The following TAF2 variants were observed in gnomAD, a reference collection of about 807,000 sequenced individuals.
TAF2 encodes TATA-box binding protein associated factor 2.
In TAF2, 61 loss-of-function variants were observed where a neutral mutation model predicts 138.5. The observed-to-expected ratio is 0.44, with a 90% CI of 0.36 to 0.54. The LOEUF (loss-of-function observed/expected upper bound fraction) is 0.54, where lower values mean the gene tolerates loss of function less well. Ranked by LOEUF, TAF2 falls within the 20% of genes least tolerant of loss-of-function variation. TAF2 has a pLI of 0.00. For synonymous variants in TAF2, 475 were observed against 469.9 expected (o/e 1.01, Z -0.14); for missense variants, 1,090 against 1,427.9 (o/e 0.76, Z 3.81).
chr8:119,830,060 G>A (rs551486726), intron 2 of TAF2, among the ~76,000 whole-genome samples: 34 of 151,666 alleles, frequency 2.2e-4, no homozygotes, highest in African/African-American at 7.3e-4. Context: ...CACCACAGCC[G>A]GCTAATTTTT....
At chr8:119,824,864 C>T (rs1826003988) in intron 2 of TAF2, among the ~76,000 whole-genome samples, 1 of 152,228 alleles carries the variant, frequency 6.6e-6, no homozygotes, top group African/African-American at 2.4e-5. Context: ...ATGGAAATGC[C>T]TGGATGCCCA....
rs570506818 is a variant in TAF2, at chr8:119,799,721, T to C, written c.793-1875A>G. Among the ~76,000 whole-genome samples the C allele has an allele frequency of 1.3e-3, 195 of 152,152 alleles. 1 individual carries two copies. Among genetic ancestry groups the C allele is most frequent in the African/African-American group, 4.4e-3 (183 of 41,438 alleles). ...TTCTAGTTCTAGATCCTTGAGGAAT[T>C]GCCACACTGTCTTCCACGATGGTTG... On this transcript the variant is annotated intron_variant, in intron 6 of 25. Transcript: ENST00000378164.
intron 21 of TAF2, among the ~76,000 whole-genome samples, chr8:119,757,175 A>G (rs1000994528): frequency 6.6e-6 from 1 of 152,216 alleles, no homozygotes; most frequent in Non-Finnish European, 1.5e-5. Flanking sequence ...CTGCAATTTA[A>G]TGTCTATAAA....
chr8:119,820,556 TAAGA>T (rs948144201), intron 2 of TAF2, among the ~76,000 whole-genome samples: 1 of 151,642 alleles, frequency 6.6e-6, no homozygotes, highest in African/African-American at 2.4e-5. Context: ...ACAGATAAGA[TAAGA>T]AAGGCAAAAA....
chr8:119,754,614 C>T (rs1270459514), intron 22 of TAF2, among the ~76,000 whole-genome samples: 4 of 150,902 alleles, frequency 2.7e-5, no homozygotes, highest in Middle Eastern at 3.4e-3. Flanking sequence ...ACTTGGGAGG[C>T]GGAGGTTGCA....
chr8:119,819,844 C>T (rs1228987454), intron 2 of TAF2, among the ~76,000 whole-genome samples: 3 of 151,442 alleles, frequency 2.0e-5, no homozygotes, highest in African/African-American at 7.3e-5. Flanking sequence ...AATTACAGAG[C>T]AGAAAGGGAA....
intron 3 of TAF2, among the ~76,000 whole-genome samples, chr8:119,814,841 G>A (rs1825342801): frequency 1.3e-5 from 2 of 151,326 alleles, no homozygotes; most frequent in Non-Finnish European, 2.9e-5. Context: ...CCCAGGAGGT[G>A]GAGGTTGCAG....
chr8:119,758,370 T>C (rs1440366884), intron 20 of TAF2, among the ~76,000 whole-genome samples: 1 of 152,142 alleles, frequency 6.6e-6, no homozygotes, highest in Non-Finnish European at 1.5e-5. Context: ...GTTGCATCAA[T>C]AATGTATTTT....
intron 20 of TAF2, among the ~76,000 whole-genome samples, chr8:119,760,083 C>G (rs1820959890): frequency 6.6e-6 from 1 of 152,090 alleles, no homozygotes. Context: ...TCTACCTGCT[C>G]TATTCTTCAC....
intron 25 of TAF2, among the ~76,000 whole-genome samples, chr8:119,739,029 TA>T (rs34463464): frequency 0.4 from 51,936 of 131,064 alleles, 9,338 homozygotes; most frequent in Admixed American, 0.52. Context: ...TTTTTTTTTT[TA>T]AATTAAAAAA....
At chr8:119,737,280 CTTT>C (rs1819284702) in intron 25 of TAF2, among the ~76,000 whole-genome samples, 1 of 151,998 alleles carries the variant, frequency 6.6e-6, no homozygotes, top group Non-Finnish European at 1.5e-5. Context: ...GTGGTTATGA[CTTT>C]TTAATGTGCT....
Position 119,831,687 on chromosome 8 carries a change from T to C in TAF2, c.128A>G (p.Lys43Arg), listed in dbSNP as rs1194859687. 1.9e-6 allele frequency: 3 copies of C among 1,605,540 alleles called. No homozygotes were observed. Among genetic ancestry groups the C allele is most frequent in the Non-Finnish European group, 2.6e-6 (3 of 1,174,360 alleles). The part of the protein sequence containing the change: ...VCINNINFQR[K>R]SVVGFVELTI... The stretch of plus-strand genomic sequence containing the variant: ...TGAGAATAAACTTACCACAACAGAT[T>C]TTCTCTGGAAATTTATGTTGTTGAT... Residue 43 changes from lysine (K) to arginine (R), a missense_variant, in exon 2 of 26, where the codon AAA becomes AGA. Around this residue, in one of 3 missense-constraint regions of TAF2, gnomAD observed 504 missense variants for 680.9 expected, o/e 0.74. Transcript: ENST00000378164.
chr8:119,739,165 C>T (rs1425365749), intron 25 of TAF2, among the ~76,000 whole-genome samples: 1 of 152,100 alleles, frequency 6.6e-6, no homozygotes, highest in Admixed American at 6.6e-5. Flanking sequence ...TTCCCTTGCT[C>T]CTTGTTCCCC....
intron 22 of TAF2, among the ~76,000 whole-genome samples, chr8:119,752,645 T>C (rs1364954993): frequency 6.6e-6 from 1 of 152,240 alleles, no homozygotes; most frequent in African/African-American, 2.4e-5. Context: ...TTTCAAATCC[T>C]GTTTCTATAA....
intron 15 of TAF2, among the ~76,000 whole-genome samples, 186 bp from the exon 16 acceptor site, chr8:119,783,819 T>C (rs1822838138): frequency 6.6e-6 from 1 of 152,216 alleles, no homozygotes. Flanking sequence ...GTTTAACATA[T>C]GTCAACTTTC....
chr8:119,762,930 A>C (rs1417887434), intron 18 of TAF2: 1 of 220,002 alleles, frequency 4.5e-6, no homozygotes, highest in East Asian at 1.2e-4. Flanking sequence ...AAAAAAAAAC[A>C]AATCCTAATC....
intron 13 of TAF2, 34 bp downstream of exon 13, chr8:119,788,756 A>G (rs1412261875): frequency 7.1e-7 from 1 of 1,399,916 alleles, no homozygotes; most frequent in East Asian, 2.3e-5. Flanking sequence ...CTGAGGAGAT[A>G]GCAGTACAAA....
intron 25 of TAF2, among the ~76,000 whole-genome samples, chr8:119,739,105 A>G (rs143014460): frequency 6.6e-6 from 1 of 151,044 alleles, no homozygotes; most frequent in East Asian, 1.9e-4. Context: ...AGCCCTAGCT[A>G]GGCAGCTGCA....
At chr8:119,774,027 C>A (rs1396480149) in intron 18 of TAF2, among the ~76,000 whole-genome samples, 1 of 150,796 alleles carries the variant, frequency 6.6e-6, no homozygotes, top group Non-Finnish European at 1.5e-5. Context: ...AAAAATTAGC[C>A]GGGTGTGGTG....
Sources: gnomAD v4.1 joint callset for allele counts (sites outside exome capture counted in the v4.1 genomes callset) on GRCh38, gnomAD v4.1.1 for gene constraint, gnomAD v4.1.1 regional missense constraint, MANE v1.5 for transcripts, NCBI Gene and HGNC (gene_info 2026-07-23, HGNC 2026-07-21) for gene names.